Variants in PPFIBP1 observed in about 807,000 individuals in gnomAD.
The protein encoded by PPFIBP1 is liprin-beta-1.
PPFIBP1 carries 112 observed loss-of-function variants against 137.8 expected under a neutral mutation model. The ratio of observed to expected loss-of-function variants is 0.81; its 90% CI spans 0.70 to 0.95. The LOEUF (loss-of-function observed/expected upper bound fraction) is 0.95. PPFIBP1 is among the 40% of genes least tolerant of loss of function. The pLI is 0.00. For missense variants in PPFIBP1, 1,083 were observed against 1,196.6 expected (o/e 0.91, Z 1.40); for synonymous variants, 378 against 417.3 (o/e 0.91, Z 1.15).
rs1355110124 is a variant in PPFIBP1, at chr12:27,654,819, GT to G, written c.696+10del. On this transcript the variant is annotated splice_donor_region_variant and intron_variant, in intron 8 of 29. Coordinates refer to ENST00000228425, the MANE Select transcript of PPFIBP1 (RefSeq NM_003622.4). ...AAAAAGCTTAAATCAACCAAAGTAAGTTTTTCTCACAGGTTAACATTTTCAA... is the reference window on the plus strand; with the variant it reads ...AAAAAGCTTAAATCAACCAAAGTAAGTTTTCTCACAGGTTAACATTTTCAA... 2 of 1,610,728 alleles carry G rather than the reference GT, an allele frequency of 1.2e-6. No homozygotes were observed. Among genetic ancestry groups the G allele is most frequent in the Non-Finnish European group, 1.7e-6 (2 of 1,178,766 alleles).
intron 2 of PPFIBP1, among the ~76,000 whole-genome samples, chr12:27,582,209 GGC>G (rs1248489965): frequency 1.3e-5 from 2 of 151,972 alleles, no homozygotes; most frequent in Non-Finnish European, 2.9e-5. Flanking sequence ...TCAAATAAGT[GGC>G]GTGTGTATGT....
At chr12:27,537,860 A>C (rs1445860806) in intron 1 of PPFIBP1, among the ~76,000 whole-genome samples, 1 of 152,060 alleles carries the variant, frequency 6.6e-6, no homozygotes, top group South Asian at 2.1e-4. Flanking sequence ...ACTTTTAGCT[A>C]TGTAAATGGA....
At chr12:27,546,154 A>C (rs574047749) in intron 1 of PPFIBP1, among the ~76,000 whole-genome samples, 1 of 152,294 alleles carries the variant, frequency 6.6e-6, no homozygotes, top group Non-Finnish European at 1.5e-5. Flanking sequence ...GGCTTGGTAC[A>C]CATGCCTGGA....
intron 2 of PPFIBP1, among the ~76,000 whole-genome samples, chr12:27,624,782 T>C (rs1369848734): frequency 6.6e-6 from 1 of 152,224 alleles, no homozygotes; most frequent in Non-Finnish European, 1.5e-5. Context: ...TGAGGGTGGT[T>C]AAAGTAACAA....
At position 27,653,564 on chromosome 12, in the gene PPFIBP1, G is replaced by A. The variant is rs142071419; in HGVS notation, c.604-1158G>A. 2.4e-3 allele frequency among the ~76,000 whole-genome samples: 361 copies of A among 148,504 alleles called. 3 individuals are homozygous for A. The highest frequency in any genetic ancestry group is 8.8e-3 in the African/African-American group (350 of 39,746). On this transcript the variant is annotated intron_variant, in intron 7 of 29. Transcript: ENST00000228425. ...ATGGCGGCACTGCACTCCAGCCTGG[G>A]TGACAGAGTGAGACTCCATCTTAAA...
At chr12:27,673,900 C>T (rs2060349238) in intron 16 of PPFIBP1, 73 bp downstream of exon 16, 7 of 1,317,424 alleles carry the variant, frequency 5.3e-6, no homozygotes, top group Non-Finnish European at 6.4e-6. Context: ...TTCATCTTTT[C>T]CCTTTTTGCA....
chr12:27,621,399 A>T (rs1456923787), intron 2 of PPFIBP1, among the ~76,000 whole-genome samples: 6 of 152,200 alleles, frequency 3.9e-5, no homozygotes, highest in Non-Finnish European at 5.9e-5. Context: ...AGTGCTATTC[A>T]CTCAGAACTG....
intron 2 of PPFIBP1, chr12:27,592,567 GGAT>G (rs902648537): frequency 9.1e-6 from 13 of 1,427,722 alleles, no homozygotes; most frequent in Middle Eastern, 1.8e-4. Flanking sequence ...GGCTTTCACA[GGAT>G]GATACCTCCT....
At chr12:27,664,320 T>A in intron 11 of PPFIBP1, 42 bp from the exon 12 acceptor site, 2 of 1,313,802 alleles carry the variant, frequency 1.5e-6, no homozygotes, top group South Asian at 2.5e-5. Flanking sequence ...ATTACTCTTT[T>A]AAGAACATAG....
chr12:27,568,282 G>T (rs1159874066), intron 1 of PPFIBP1, among the ~76,000 whole-genome samples: 2 of 152,178 alleles, frequency 1.3e-5, no homozygotes, highest in African/African-American at 2.4e-5. Flanking sequence ...ATGTTTTCTG[G>T]TTCATTAGGG....
chr12:27,676,520 T>C lies in PPFIBP1; in HGVS notation c.1503T>C (p.Thr501=). Residue 501 remains threonine, a synonymous_variant, in exon 18 of 30, where the codon ACT becomes ACC. Coordinates refer to ENST00000228425, the MANE Select transcript of PPFIBP1 (RefSeq NM_003622.4). ...CCATGGATGACAACCCCTTCGGCAC[T>C]CGAAAAGTCAGATCTTCCTTTGGCC... ...DTSMDDNPFG[T]RKVRSSFGRG... is the part of the protein sequence containing the mutation. 1.2e-6 allele frequency: 2 copies of C among 1,610,114 alleles called. No homozygotes were observed. Among genetic ancestry groups the C allele is most frequent in the Non-Finnish European group, 1.7e-6 (2 of 1,177,650 alleles).
Position 27,679,938 on chromosome 12 carries a change from G to A in PPFIBP1, c.1772G>A (p.Arg591Lys), listed in dbSNP as rs757479456. ...ATGTGTGTTGTCTTCTTTAGACTTAGGAGAAGTCAATCAACTACATTCAAC... is the reference window on the plus strand; with the variant it reads ...ATGTGTGTTGTCTTCTTTAGACTTAAGAGAAGTCAATCAACTACATTCAAC... ...RGIMKLFGKL[R>K]RSQSTTFNPD... is the part of the protein sequence containing the mutation. Residue 591 changes from arginine (R) to lysine (K), a missense_variant, in exon 21 of 30, where the codon AGG becomes AAG. Arg to Lys is a conservative substitution (Grantham distance 26). Coordinates refer to ENST00000228425, the MANE Select transcript of PPFIBP1 (RefSeq NM_003622.4). The A allele has an allele frequency of 3.7e-6, 6 of 1,614,076 alleles. No homozygotes were observed. The highest frequency in any genetic ancestry group is 1.7e-4 in the Middle Eastern group (1 of 6,056).
intron 21 of PPFIBP1, among the ~76,000 whole-genome samples, chr12:27,681,087 C>T (rs572932519): frequency 6.6e-6 from 1 of 152,294 alleles, no homozygotes; most frequent in African/African-American, 2.4e-5. Context: ...AGGAATTTTG[C>T]TTTGATTGTT....
At chr12:27,689,968 G>T (rs529604533) in intron 27 of PPFIBP1, among the ~76,000 whole-genome samples, 1 of 152,260 alleles carries the variant, frequency 6.6e-6, no homozygotes, top group Non-Finnish European at 1.5e-5. Flanking sequence ...CTTAAGGGGC[G>T]TTCCTTTCTG....
intron 4 of PPFIBP1, among the ~76,000 whole-genome samples, chr12:27,645,448 A>T (rs996987177): frequency 1.1e-4 from 16 of 151,752 alleles, no homozygotes; most frequent in East Asian, 1.9e-4. Flanking sequence ...ATTTTTTTTT[A>T]AAAAAGTGTG....
At chr12:27,678,881 A>AAAAAAAAAAAAAAAAAAAAAAC (rs2060707182) in intron 19 of PPFIBP1, among the ~76,000 whole-genome samples, 2 of 143,194 alleles carry the variant, frequency 1.4e-5, no homozygotes, top group African/African-American at 5.5e-5. Flanking sequence ...AAAAAAAAAA[A>AAAAAAAAAAAAAAAAAAAAAAC]CATTTAAGAG....
rs367649651 is a variant in PPFIBP1 at position 27,681,684 on chromosome 12, A to G, written c.2034A>G (p.Gln678=). The change falls in exon 22 of 30, where the codon CAA becomes CAG. Residue 678 remains glutamine (Q), a synonymous_variant. Transcript: ENST00000228425. ...SGQTLLQASQ[Q]DLEKELGIKH... is the part of the protein sequence containing the mutation. Reference sequence around the variant, plus strand: ...AAACGCTTTTGCAGGCTTCTCAACAAGATCTAGAGAAGGTGACTGCTTCTC... The same window carrying G: ...AAACGCTTTTGCAGGCTTCTCAACAGGATCTAGAGAAGGTGACTGCTTCTC... 1.6e-5 allele frequency: 26 copies of G among 1,613,990 alleles called. No homozygotes were observed. Among genetic ancestry groups the G allele is most frequent in the Non-Finnish European group, 2.1e-5 (25 of 1,179,972 alleles).
intron 24 of PPFIBP1, among the ~76,000 whole-genome samples, chr12:27,686,687 G>T (rs924960353): frequency 3.9e-5 from 6 of 152,170 alleles, no homozygotes; most frequent in African/African-American, 1.4e-4. Flanking sequence ...TCAGGGAATA[G>T]TATAATAAGA....
intron 2 of PPFIBP1, among the ~76,000 whole-genome samples, chr12:27,603,169 G>A (rs1037513543): frequency 6.6e-6 from 1 of 152,142 alleles, no homozygotes; most frequent in African/African-American, 2.4e-5. Flanking sequence ...TATTAATTCA[G>A]CAACTGTGTG....
Sources: gnomAD v4.1 joint callset for allele counts (sites outside exome capture counted in the v4.1 genomes callset) on GRCh38, gnomAD v4.1.1 for gene constraint, MANE v1.5 for transcripts, NCBI Gene and HGNC (gene_info 2026-07-23, HGNC 2026-07-21) for gene names.